ATM: variants seen among roughly 807,000 people sequenced by gnomAD.
ATM encodes the protein ATM serine/threonine kinase.
ATM carries 308 observed loss-of-function variants against 387.0 expected under a neutral mutation model. The ratio of observed to expected loss-of-function variants is 0.80; its 90% CI spans 0.73 to 0.87. The LOEUF is 0.87. Ranked by LOEUF, ATM falls within the 40% of genes least tolerant of loss-of-function variation. The probability of loss-of-function intolerance (pLI) is 0.00; values close to 1 mark genes in which losing one functional copy is unlikely to be tolerated. For missense variants in ATM, 3,312 were observed against 3,560.9 expected (o/e 0.93, Z 1.78); for synonymous variants, 1,156 against 1,187.3 (o/e 0.97, Z 0.54).
intron 16 of ATM, among the ~76,000 whole-genome samples, chr11:108,263,714 C>T (rs1483593842): frequency 6.8e-6 from 1 of 146,546 alleles, no homozygotes; most frequent in Non-Finnish European, 1.5e-5. Flanking sequence ...AAAGGATCAA[C>T]AAAATTGATA....
In ATM at chr11:108,278,268, A is replaced by T. The variant is rs550856862; in HGVS notation, c.3285-1223A>T. The stretch of plus-strand genomic sequence containing the variant: ...ACTGTTTTTAGTAAGACCATAATGC[A>T]TTGCAAGGATTTCTAATGAATATGT... On this transcript the variant is annotated intron_variant, in intron 22 of 62. Coordinates refer to ENST00000675843, the MANE Select transcript of ATM (RefSeq NM_000051.4). Among the ~76,000 whole-genome samples, 5 of 152,328 alleles carry T rather than the reference A, an allele frequency of 3.3e-5. No individual in the cohort carries two copies. In the South Asian group the frequency reaches 1.0e-3, roughly 32 times the overall value.
rs1336509218 is a variant in ATM, at chr11:108,250,752, C to A, written c.1287C>A (p.Asn429Lys). The change falls in exon 10 of 63, where the codon AAC becomes AAA. Residue 429 changes from asparagine (N) to lysine (K), a missense_variant. Physicochemically the swap from Asn to Lys is moderately conservative, Grantham distance 94. Around this residue, in one of 4 missense-constraint regions of ATM, gnomAD observed 1,791 missense variants for 1,804.5 expected, o/e 0.99. Coordinates refer to ENST00000675843, the MANE Select transcript of ATM (RefSeq NM_000051.4). ...CAAAGTATCCTGCAAGTTTACCTAA[C>A]TGTGAGCTGTCTCCATTACTGATGA... The part of the protein sequence containing the change: ...LISKYPASLP[N>K]CELSPLLMIL... 1 of 1,605,178 alleles carries A rather than the reference C, an allele frequency of 6.2e-7. No individual in the cohort carries two copies. The highest frequency in any genetic ancestry group is 8.5e-7 in the Non-Finnish European group (1 of 1,176,042).
At chr11:108,263,217 T>C (rs1180889055) in intron 16 of ATM, among the ~76,000 whole-genome samples, 80 of 141,942 alleles carry the variant, frequency 5.6e-4, no homozygotes, top group Non-Finnish European at 8.6e-4. Context: ...TATTCCAAAA[T>C]TGACCACATA....
chr11:108,352,677 A>G (rs540487511), intron 59 of ATM, among the ~76,000 whole-genome samples: 2 of 152,354 alleles, frequency 1.3e-5, no homozygotes, highest in African/African-American at 4.8e-5. Context: ...ACAGTGGGCA[A>G]ATGCTTAAAC....
In ATM at chr11:108,304,877, A is replaced by ATTT; in HGVS notation, c.5674+25_5674+26insTTT. 1.9e-6 allele frequency: 3 copies of ATTT among 1,608,212 alleles called. No homozygotes were observed. The South Asian group carries it at 3.3e-5, about 18-fold the overall frequency. ...GGTATTCTATTAAATTTTTAACATT[A>ATTT]ATACTGTAAACTCAGTTCTAGAGAA... On this transcript the variant is annotated intron_variant, in intron 37 of 62. Transcript: ENST00000675843.
chr11:108,294,863 A>G, intron 31 of ATM, 64 bp from the exon 32 acceptor site: 1 of 1,588,520 alleles, frequency 6.3e-7, no homozygotes, highest in Non-Finnish European at 8.6e-7. Context: ...TTTTTCTTTT[A>G]TTAAGTTTTA....
intron 7 of ATM, 114 bp from the exon 8 acceptor site, chr11:108,246,850 G>A: frequency 1.3e-6 from 1 of 784,618 alleles, no homozygotes; most frequent in Admixed American, 2.2e-5. Context: ...ATGGAAGGTT[G>A]GACCAGGTGT....
chr11:108,364,992 G>A, intron 61 of ATM, 90 bp from the exon 62 acceptor site: 2 of 1,466,200 alleles, frequency 1.4e-6, no homozygotes, highest in Non-Finnish European at 1.9e-6. Context: ...CCATGTGACT[G>A]GCTTATTTGT....
intron 5 of ATM, among the ~76,000 whole-genome samples, chr11:108,241,725 T>C (rs1426433801): frequency 2.5e-5 from 3 of 117,802 alleles, no homozygotes; most frequent in African/African-American, 8.0e-5. Flanking sequence ...TTTCTTTCTT[T>C]CTGTCTTTCT....
Position 108,316,124 on chromosome 11 carries a change from T to C in ATM, c.6198+11T>C, listed in dbSNP as rs774664615. ...GCAGGAATCATTCAGGTACATTTTT[T>C]CCCAGATTTGGTAAAGCCATCACTA... is the stretch of plus-strand genomic sequence containing the variant. On this transcript the variant is annotated intron_variant, in intron 42 of 62. Transcript: ENST00000675843. The C allele has an allele frequency of 1.2e-6, 2 of 1,612,656 alleles. No homozygotes were observed. The highest frequency in any genetic ancestry group is 1.7e-6 in the Non-Finnish European group (2 of 1,178,738).
At position 108,345,749 on chromosome 11, in the gene ATM, C is replaced by G. The variant is rs1555137973; in HGVS notation, c.8425C>G (p.Gln2809Glu). ...ATATATTCTCTATTTAAAGGAGGTGCAAAAAAAGTCTTTTGAAGAGAAATA... is the reference window on the plus strand; with the variant it reads ...ATATATTCTCTATTTAAAGGAGGTGGAAAAAAAGTCTTTTGAAGAGAAATA... The part of the protein sequence containing the change: ...FQCQKKMMEV[Q>E]KKSFEEKYEV... The change falls in exon 58 of 63, where the codon CAA becomes GAA. Residue 2809 changes from glutamine to glutamate, a missense_variant. Coordinates refer to ENST00000675843, the MANE Select transcript of ATM (RefSeq NM_000051.4). The G allele has an allele frequency of 6.2e-7, 1 of 1,608,860 alleles. No homozygotes were observed.
intron 4 of ATM, chr11:108,230,449 T>C (rs965186173): frequency 1.3e-5 from 2 of 152,200 alleles, no homozygotes; most frequent in African/African-American, 4.8e-5. Context: ...CTTTTGTTAC[T>C]GCTTCTCCCT....
chr11:108,367,933 A>G lies in ATM; in HGVS notation c.*2425A>G, dbSNP rs1052896941. 1.5e-5 allele frequency: 3 copies of G among 205,986 alleles called. No individual in the cohort carries two copies. Among genetic ancestry groups the G allele is most frequent in the African/African-American group, 2.3e-5 (1 of 43,810 alleles). The allele number at this position is 205,986 out of a possible 1,614,324, so 12.8% of individuals were successfully genotyped here. A position where few individuals can be genotyped will look rare whatever the true frequency, so the allele number is the denominator to read the frequency against. ...AATGCAGTAAACTTAAAATGTCTTTAAGAAAGCCCTGAAATCTTCATGGGT... is the reference window on the plus strand; with the variant it reads ...AATGCAGTAAACTTAAAATGTCTTTGAGAAAGCCCTGAAATCTTCATGGGT... On this transcript the variant is annotated 3_prime_UTR_variant, in exon 63 of 63. Transcript: ENST00000675843.
chr11:108,246,594 T>G (rs2079858182), intron 7 of ATM, among the ~76,000 whole-genome samples: 1 of 152,208 alleles, frequency 6.6e-6, no homozygotes, highest in Non-Finnish European at 1.5e-5. Context: ...ATTTTTACAC[T>G]AGTTGAAGGA....
intron 1 of ATM, chr11:108,223,624 GA>G (rs2078596970): frequency 6.6e-6 from 1 of 152,230 alleles, no homozygotes; most frequent in South Asian, 2.1e-4. Context: ...GTCTTGTGAA[GA>G]TAAGTGAGAT....
At chr11:108,272,998 T>A in intron 22 of ATM, 146 bp downstream of exon 22, 1 of 1,013,754 alleles carries the variant, frequency 9.9e-7, no homozygotes. Flanking sequence ...TGTTTATTCT[T>A]AATTCTTATA....
rs532373195 is a variant in ATM at position 108,368,212 on chromosome 11, A to AT, written c.*2714dup. ...GATGACAGAATTAAGATTATAAAAG[A>AT]TTTTTTTTTTGTAATTTTAGTAGAG... On this transcript the variant is annotated 3_prime_UTR_variant, in exon 63 of 63. Coordinates refer to ENST00000675843, the MANE Select transcript of ATM (RefSeq NM_000051.4). 0.017 allele frequency: 3,251 copies of AT among 190,070 alleles called. 41 individuals carry two copies. The highest frequency in any genetic ancestry group is 0.044 in the Admixed American group (666 of 15,260). The allele number at this position is 190,070 out of a possible 1,614,324, so 11.8% of individuals were successfully genotyped here.
chr11:108,337,036 G>A (rs1038263340), intron 56 of ATM, among the ~76,000 whole-genome samples: 1 of 152,056 alleles, frequency 6.6e-6, no homozygotes, highest in African/African-American at 2.4e-5. Flanking sequence ...CACTATGAAC[G>A]TGTTTTATTT....
Position 108,265,928 on chromosome 11 carries a change from A to G in ATM, c.2467-1243A>G, listed in dbSNP as rs1272750540. Among the ~76,000 whole-genome samples, 6 of 148,032 alleles carry G rather than the reference A, an allele frequency of 4.1e-5. No homozygotes were observed. In the Admixed American group the frequency reaches 4.1e-4, roughly 10 times the overall value. The stretch of plus-strand genomic sequence containing the variant: ...TCAGAGAAATGCAAATCAAAACCAC[A>G]ATGAGATACCATCTCACACCAGTTA... On this transcript the variant is annotated intron_variant, in intron 16 of 62. Transcript: ENST00000675843.
Sources: allele counts gnomAD v4.1 joint callset (sites outside exome capture counted in the v4.1 genomes callset), GRCh38; gene constraint gnomAD v4.1.1; regional missense constraint gnomAD v4.1.1; transcripts MANE v1.5; gene names NCBI Gene and HGNC (gene_info 2026-07-23, HGNC 2026-07-21).